CASS4: variants seen among roughly 807,000 people sequenced by gnomAD.
CASS4 encodes Cas scaffold protein family member 4, also known as cas scaffolding protein family member 4.
CASS4 carries 22 observed loss-of-function variants against 54.2 expected under a neutral mutation model. The ratio of observed to expected loss-of-function variants is 0.41; its 90% confidence interval spans 0.29 to 0.58. The LOEUF is 0.58. Ranked by LOEUF, CASS4 falls within the 20% of genes least tolerant of loss-of-function variation. The pLI is 0.36. For missense variants in CASS4, 854 were observed against 986.7 expected, an observed-to-expected ratio of 0.87 and a Z score of 1.80; for synonymous variants, 409 against 391.5, an observed-to-expected ratio of 1.04 and a Z score of -0.53.
At chr20:56,419,393 G>A (rs936636282) in intron 1 of CASS4, among the ~76,000 whole-genome samples, 1 of 152,098 alleles carries the variant, frequency 6.6e-6, no homozygotes, top group Non-Finnish European at 1.5e-5. Flanking sequence ...AAGAATATGC[G>A]TGGCCTCTTG....
In CASS4 at chr20:56,430,400, T is replaced by C. The variant is rs1979848831; in HGVS notation, c.37-6764T>C. Reference sequence around the variant, plus strand: ...AAATCGTTTAAGAACATTTCTTCCATTGTACCCAGAATCTAACTGCTTGTG... The same window carrying C: ...AAATCGTTTAAGAACATTTCTTCCACTGTACCCAGAATCTAACTGCTTGTG... On this transcript the variant is annotated intron_variant, in intron 1 of 5. Coordinates refer to ENST00000679887, the MANE Select transcript of CASS4 (RefSeq NM_020356.4). This position sits in a 1 kb window ranked among gnomAD's most constrained non-coding sequence, Gnocchi z 4.2. 6.6e-6 allele frequency among the ~76,000 whole-genome samples: 1 copy of C among 152,236 alleles called. No individual in the cohort carries two copies. Among genetic ancestry groups the C allele is most frequent in the South Asian group, 2.1e-4 (1 of 4,830 alleles).
chr20:56,458,829 C>G lies in CASS4; in HGVS notation c.*82C>G, dbSNP rs1312749008. 1 of 1,360,572 alleles carries G rather than the reference C, an allele frequency of 7.3e-7. No homozygotes were observed. Among genetic ancestry groups the G allele is most frequent in the Non-Finnish European group, 9.9e-7 (1 of 1,010,758 alleles). 84.3% of individuals were successfully genotyped at this position (1,360,572 alleles called of 1,614,324 possible). A position where few individuals can be genotyped will look rare whatever the true frequency, so the allele number is the denominator to read the frequency against. On this transcript the variant is annotated 3_prime_UTR_variant, in exon 6 of 6. Coordinates refer to ENST00000679887, the MANE Select transcript of CASS4 (RefSeq NM_020356.4). ...GTGCAACTCTGCCCTATGGGAAAAGCCAGCCGGGGCATACACCAATGAGCT... is the reference window on the plus strand; with the variant it reads ...GTGCAACTCTGCCCTATGGGAAAAGGCAGCCGGGGCATACACCAATGAGCT...
rs1316271231 is a variant in CASS4 at position 56,458,356 on chromosome 20, T to C, written c.1970T>C (p.Ile657Thr). Residue 657 changes from isoleucine (I) to threonine (T), a missense_variant, in exon 6 of 6, where the codon ATA (isoleucine) becomes ACA (threonine). Coordinates refer to ENST00000679887, the MANE Select transcript of CASS4 (RefSeq NM_020356.4). ...NICGQNPGPLIPQPSSQQTPE... is the reference protein window; with the variant it reads ...NICGQNPGPLTPQPSSQQTPE... ...CTTCTTTAGAATCCTGGCCCTCTTA[T>C]ACCTCAGCCTTCGAGTCAACAGACT... 1.2e-6 allele frequency: 2 copies of C among 1,611,780 alleles called. No individual in the cohort carries two copies. The highest frequency in any genetic ancestry group is 1.7e-6 in the Non-Finnish European group (2 of 1,178,086).
At chr20:56,439,364 AAG>A (rs1412857548) in intron 2 of CASS4, among the ~76,000 whole-genome samples, 3 of 151,730 alleles carry the variant, frequency 2.0e-5, no homozygotes, top group Admixed American at 2.0e-4. Flanking sequence ...ACAGAGGAAA[AAG>A]AGCATTCATT....
In CASS4 at chr20:56,452,229, C is replaced by T. The variant is rs145924473; in HGVS notation, c.1053C>T (p.Asp351=). 13 of 1,614,032 alleles carry T rather than the reference C, an allele frequency of 8.1e-6. No individual in the cohort carries two copies. The highest frequency in any genetic ancestry group is 2.2e-5 in the East Asian group (1 of 44,906). ...EQQNTKPNIY[D]IPKATSSVSQ... ...AGAACACCAAGCCCAATATTTATGA[C>T]ATCCCTAAAGCAACGTCGAGTGTTT... The change falls in exon 5 of 6, where the codon GAC becomes GAT. Residue 351 remains aspartate (D), a synonymous_variant. Transcript: ENST00000679887.
At chr20:56,413,970 G>T (rs538487954) in intron 1 of CASS4, among the ~76,000 whole-genome samples, 7 of 152,014 alleles carry the variant, frequency 4.6e-5, no homozygotes, top group Non-Finnish European at 7.4e-5. Context: ...TATTGTTGTT[G>T]TTAAACTCTT....
chr20:56,413,672 CAAA>C (rs35217347), intron 1 of CASS4, among the ~76,000 whole-genome samples: 3 of 28,310 alleles, frequency 1.1e-4, no homozygotes, highest in African/African-American at 1.5e-4. Context: ...GACTCTGTCT[CAAA>C]AAAAAAAAAA....
intron 2 of CASS4, among the ~76,000 whole-genome samples, chr20:56,444,699 A>T (rs1472230226): frequency 6.6e-6 from 1 of 152,192 alleles, no homozygotes; most frequent in Non-Finnish European, 1.5e-5. Context: ...AGCCAACATC[A>T]TTGAGCTCTG....
intron 2 of CASS4, among the ~76,000 whole-genome samples, chr20:56,439,479 T>C (rs1219465544): frequency 6.6e-6 from 1 of 151,858 alleles, no homozygotes; most frequent in East Asian, 2.0e-4. Flanking sequence ...GAGACTAGCC[T>C]GGGCAACATA....
chr20:56,445,070 A>G (rs1980642108), intron 2 of CASS4, among the ~76,000 whole-genome samples: 1 of 151,832 alleles, frequency 6.6e-6, no homozygotes, highest in Admixed American at 6.6e-5. Context: ...AGATCGCGCC[A>G]TTGCACTCCA....
intron 2 of CASS4, among the ~76,000 whole-genome samples, chr20:56,445,447 T>C (rs940885432): frequency 6.6e-6 from 1 of 151,720 alleles, no homozygotes; most frequent in Non-Finnish European, 1.5e-5. Context: ...CCCCTCTGCC[T>C]ATTGCGTGCA....
At chr20:56,429,860 CATAACTTCCTGTATTTTTT>C (rs1245477335) in intron 1 of CASS4, among the ~76,000 whole-genome samples, 6 of 152,232 alleles carry the variant, frequency 3.9e-5, no homozygotes, top group Admixed American at 6.5e-5. Flanking sequence ...TGTATTTTTT[CATAACTTCCTGTATTTTTT>C]ATAACTTCCT....
At chr20:56,433,827 A>G (rs1980028711) in intron 1 of CASS4, among the ~76,000 whole-genome samples, 1 of 152,162 alleles carries the variant, frequency 6.6e-6, no homozygotes, top group African/African-American at 2.4e-5. Context: ...ACAGGCAGGA[A>G]TGCCCCTCAC....
Position 56,412,522 on chromosome 20 carries a change from G to T in CASS4, c.36+28G>T. 1 of 1,608,032 alleles carries T rather than the reference G, an allele frequency of 6.2e-7. No individual in the cohort carries two copies. Among genetic ancestry groups the T allele is most frequent in the Non-Finnish European group, 8.5e-7 (1 of 1,176,814 alleles). On this transcript the variant is annotated intron_variant, in intron 1 of 5. Transcript: ENST00000679887. This position sits in a 1 kb window ranked among gnomAD's most constrained non-coding sequence, Gnocchi z 4.2. ...GAGTGATGTGGGGCTGTTTGAATGGGCTCTGGCGGGGAGCAAGCTGTGATG... is the reference window on the plus strand; with the variant it reads ...GAGTGATGTGGGGCTGTTTGAATGGTCTCTGGCGGGGAGCAAGCTGTGATG...
At chr20:56,448,875 C>T (rs2146292520) in intron 3 of CASS4, among the ~76,000 whole-genome samples, 1 of 152,168 alleles carries the variant, frequency 6.6e-6, no homozygotes, top group South Asian at 2.1e-4. Context: ...TCATCACTGG[C>T]CGTCAGAGAA....
rs1357972295 is a variant in CASS4 at position 56,458,795 on chromosome 20, C to T, written c.*48C>T. The T allele has an allele frequency of 1.3e-6, 2 of 1,504,972 alleles. No individual in the cohort carries two copies. The highest frequency in any genetic ancestry group is 4.8e-5 in the East Asian group (2 of 41,628). 93.2% of individuals were successfully genotyped at this position (1,504,972 alleles called of 1,614,324 possible). A position where few individuals can be genotyped will look rare whatever the true frequency, so the allele number is the denominator to read the frequency against. ...CTCTGCTCACCTCTCAGCTTCACAC[C>T]CACAACTTGTGCAACTCTGCCCTAT... is the stretch of plus-strand genomic sequence containing the variant. On this transcript the variant is annotated 3_prime_UTR_variant, in exon 6 of 6. Transcript: ENST00000679887.
At chr20:56,435,546 C>A (rs955706142) in intron 1 of CASS4, among the ~76,000 whole-genome samples, 1 of 152,108 alleles carries the variant, frequency 6.6e-6, no homozygotes, top group African/African-American at 2.4e-5. Flanking sequence ...AACAAGTTGC[C>A]TTCATGTAAT....
chr20:56,418,627 A>G (rs1328242478), intron 1 of CASS4, among the ~76,000 whole-genome samples: 1 of 152,194 alleles, frequency 6.6e-6, no homozygotes, highest in African/African-American at 2.4e-5. Flanking sequence ...TTCTCCATGG[A>G]CACGAAGGAG....
chr20:56,415,367 C>G (rs1167431160), intron 1 of CASS4, among the ~76,000 whole-genome samples: 1 of 152,152 alleles, frequency 6.6e-6, no homozygotes, highest in Non-Finnish European at 1.5e-5. Context: ...AGGAAACACC[C>G]AAGTTGTCGA....
Sources: allele counts gnomAD v4.1 joint callset (sites outside exome capture counted in the v4.1 genomes callset), GRCh38; gene constraint gnomAD v4.1.1; non-coding constraint Gnocchi (gnomAD v3.1); transcripts MANE v1.5; gene names NCBI Gene and HGNC (gene_info 2026-07-23, HGNC 2026-07-21).